The following TOP6BL variants were observed in gnomAD, a reference collection of about 807,000 sequenced individuals.
TOP6BL encodes the protein TOP6B like initiator of meiotic double strand breaks.
chr11:66,779,291 T>C, the TOP6BL span, among the ~76,000 whole-genome samples: 2 of 152,102 alleles, frequency 1.3e-5, no homozygotes, highest in South Asian at 2.1e-4. Flanking sequence ...ACCCAGAATC[T>C]ACAGTGAACT....
chr11:66,816,290 A>G, the TOP6BL span: 10 of 1,301,262 alleles, frequency 7.7e-6, no homozygotes, highest in Non-Finnish European at 1.0e-5. Context: ...TAAATTAGAT[A>G]TATTTCTGTA....
At chr11:66,776,739 G>A in the TOP6BL span, among the ~76,000 whole-genome samples, 5 of 151,960 alleles carry the variant, frequency 3.3e-5, no homozygotes, top group Admixed American at 2.0e-4. Context: ...TTATGAATGA[G>A]TGCTGTATTT....
chr11:66,759,546 T>G, the TOP6BL span, among the ~76,000 whole-genome samples: 1 of 152,206 alleles, frequency 6.6e-6, no homozygotes, highest in African/African-American at 2.4e-5. Flanking sequence ...CCAGAGTTGG[T>G]ACGGTTTAGG....
the TOP6BL span, chr11:66,843,460 C>T: frequency 1.4e-6 from 2 of 1,406,958 alleles, no homozygotes; most frequent in Admixed American, 3.6e-5. Context: ...GGCGCAATGG[C>T]GGCGCTGGGC....
At chr11:66,820,900 G>C in the TOP6BL span, among the ~76,000 whole-genome samples, 1 of 152,176 alleles carries the variant, frequency 6.6e-6, no homozygotes, top group East Asian at 1.9e-4. Flanking sequence ...AGGTAGGTGT[G>C]TAAGTTGCTG....
the TOP6BL span, among the ~76,000 whole-genome samples, chr11:66,747,851 C>T: frequency 9.9e-5 from 15 of 152,080 alleles, no homozygotes; most frequent in African/African-American, 2.9e-4. Flanking sequence ...AACTGTTGAG[C>T]TCAAGTGATC....
chr11:66,752,109 A>G, the TOP6BL span, among the ~76,000 whole-genome samples: 35 of 144,102 alleles, frequency 2.4e-4, no homozygotes, highest in Middle Eastern at 3.6e-3. Flanking sequence ...TTTCTCTTGC[A>G]TTGGATTTTG....
At chr11:66,821,823 A>C in the TOP6BL span, 5 of 1,586,528 alleles carry the variant, frequency 3.2e-6, no homozygotes, top group Admixed American at 8.5e-5. Context: ...TAGCAAGCAT[A>C]TATGGCAGGC....
the TOP6BL span, chr11:66,843,250 G>A: frequency 1.9e-6 from 3 of 1,606,554 alleles, no homozygotes; most frequent in African/African-American, 2.7e-5. Context: ...GTCCCCTTCC[G>A]CAAGCGCCCA....
At chr11:66,800,104 T>C in the TOP6BL span, among the ~76,000 whole-genome samples, 1 of 151,782 alleles carries the variant, frequency 6.6e-6, no homozygotes, top group South Asian at 2.1e-4. Flanking sequence ...CTGTATTCCA[T>C]TGTGTATATA....
chr11:66,819,623 C>G, the TOP6BL span, among the ~76,000 whole-genome samples: 1 of 151,696 alleles, frequency 6.6e-6, no homozygotes, highest in Non-Finnish European at 1.5e-5. Flanking sequence ...CAAATTTGCC[C>G]GGGCATGGTC....
chr11:66,814,000 C>A, the TOP6BL span: 1 of 1,613,138 alleles, frequency 6.2e-7, no homozygotes, highest in South Asian at 1.1e-5. Context: ...CAATTTGGAT[C>A]TCAATTTGGA....
At chr11:66,801,194 A>G in the TOP6BL span, 2 of 1,337,890 alleles carry the variant, frequency 1.5e-6, no homozygotes, top group Admixed American at 1.9e-5. Flanking sequence ...CTCACTTGTC[A>G]TTTGTAAGTG....
chr11:66,788,019 C>G, the TOP6BL span: 1 of 562,332 alleles, frequency 1.8e-6, no homozygotes, highest in African/African-American at 1.9e-5. Flanking sequence ...ATAGCCATTT[C>G]CAGTCATATT....
the TOP6BL span, chr11:66,788,151 C>T: frequency 6.3e-7 from 1 of 1,586,402 alleles, no homozygotes; most frequent in Non-Finnish European, 8.6e-7. Flanking sequence ...GCCATTTCTT[C>T]TCACACAGAA....
the TOP6BL span, among the ~76,000 whole-genome samples, chr11:66,768,913 G>A: frequency 1.3e-5 from 2 of 152,180 alleles, no homozygotes; most frequent in Non-Finnish European, 2.9e-5. Context: ...CTCTGGCTGA[G>A]TGGTACATAA....
the TOP6BL span, among the ~76,000 whole-genome samples, chr11:66,757,776 T>A: frequency 6.6e-6 from 1 of 152,024 alleles, no homozygotes; most frequent in African/African-American, 2.4e-5. Flanking sequence ...TTAGTAGAGA[T>A]GGGATTTCAC....
the TOP6BL span, among the ~76,000 whole-genome samples, chr11:66,759,693 C>T: frequency 6.6e-6 from 1 of 152,144 alleles, no homozygotes. Flanking sequence ...AAGCAATTCT[C>T]CTGCCTCAGC....
At chr11:66,810,970 T>C in the TOP6BL span, among the ~76,000 whole-genome samples, 1 of 152,194 alleles carries the variant, frequency 6.6e-6, no homozygotes. Flanking sequence ...TATTCATTTA[T>C]GTAGAGACAG....
Sources: gnomAD v4.1 joint callset for allele counts (sites outside exome capture counted in the v4.1 genomes callset) on GRCh38, gnomAD v4.1.1 for gene constraint, MANE v1.5 for transcripts, NCBI Gene and HGNC (gene_info 2026-07-23, HGNC 2026-07-21) for gene names.